The following SGCZ variants were observed in gnomAD, a reference collection of about 807,000 sequenced individuals.
SGCZ encodes zeta-sarcoglycan.
A neutral mutation model predicts 41.3 loss-of-function variants in SGCZ; 40 were observed. The ratio of observed to expected loss-of-function variants is 0.97; its 90% CI spans 0.75 to 1.26. The LOEUF is 1.26. Ranked by LOEUF, SGCZ falls within the 50% of genes most tolerant of loss-of-function variation. The pLI, the probability that SGCZ is intolerant of heterozygous loss-of-function variation, is 0.00. For missense variants in SGCZ, 552 were observed against 369.8 expected (o/e 1.49, Z -4.04); for synonymous variants, 206 against 137.5 (o/e 1.50, Z -3.49).
At chr8:15,098,977 G>C (rs1053913854) in intron 1 of SGCZ, among the ~76,000 whole-genome samples, 3 of 152,186 alleles carry the variant, frequency 2.0e-5, no homozygotes, top group East Asian at 3.9e-4. Flanking sequence ...AGAATCACTT[G>C]AACCTGGGAG....
At chr8:14,902,328 T>G (rs1384225790) in intron 1 of SGCZ, among the ~76,000 whole-genome samples, 1 of 152,114 alleles carries the variant, frequency 6.6e-6, no homozygotes, top group Non-Finnish European at 1.5e-5. Context: ...TCTCTGCTGA[T>G]CAGGCATTAC....
chr8:14,128,373 G>C (rs779493672), intron 5 of SGCZ, among the ~76,000 whole-genome samples: 13 of 152,120 alleles, frequency 8.5e-5, no homozygotes, highest in Non-Finnish European at 1.8e-4. Context: ...TACACCGTTC[G>C]GAACAGCTAC....
chr8:15,053,935 C>A (rs1255792985), intron 1 of SGCZ, among the ~76,000 whole-genome samples: 1 of 152,130 alleles, frequency 6.6e-6, no homozygotes, highest in Admixed American at 6.5e-5. Context: ...ATCATGACTG[C>A]CTTATCATCC....
rs1392750830 is a variant in SGCZ, at chr8:14,608,523, A to G, written c.40-53597T>C. ...GAGGAGATGCCAAGCTCCTTTAAAC[A>G]ACCAGCTGTCTTGTCAACTGAGGGA... On this transcript the variant is annotated intron_variant, in intron 1 of 7. Coordinates refer to ENST00000382080, the MANE Select transcript of SGCZ (RefSeq NM_139167.4). Among the ~76,000 whole-genome samples, 4 of 152,028 alleles carry G rather than the reference A, an allele frequency of 2.6e-5. No homozygotes were observed. The East Asian group carries it at 5.8e-4, about 22-fold the overall frequency.
intron 3 of SGCZ, chr8:14,309,599 A>G: frequency 6.2e-7 from 1 of 1,610,896 alleles, no homozygotes; most frequent in East Asian, 2.2e-5. Context: ...ATCCAAAGAT[A>G]GTGACTGGTT....
chr8:14,375,434 G>A (rs1041041426), intron 2 of SGCZ, among the ~76,000 whole-genome samples: 1 of 152,028 alleles, frequency 6.6e-6, no homozygotes, highest in Non-Finnish European at 1.5e-5. Flanking sequence ...TTATTAGGAA[G>A]GTTGACTAAC....
At chr8:14,282,895 G>T (rs1800496226) in intron 3 of SGCZ, among the ~76,000 whole-genome samples, 2 of 119,632 alleles carry the variant, frequency 1.7e-5, no homozygotes, top group African/African-American at 6.5e-5. Flanking sequence ...TGTCACCCAG[G>T]CTGGAGTGTA....
intron 1 of SGCZ, among the ~76,000 whole-genome samples, chr8:14,813,177 GT>G (rs1473111418): frequency 6.6e-6 from 1 of 152,154 alleles, no homozygotes; most frequent in Non-Finnish European, 1.5e-5. Flanking sequence ...ATGAAGATTT[GT>G]TTTAATGCAT....
intron 2 of SGCZ, among the ~76,000 whole-genome samples, chr8:14,503,929 T>G (rs1585604141): frequency 6.6e-6 from 1 of 152,164 alleles, no homozygotes; most frequent in Non-Finnish European, 1.5e-5. Flanking sequence ...ATTGTGCAGT[T>G]GAAAATGAAA....
At chr8:15,008,074 A>G (rs1480663161) in intron 1 of SGCZ, among the ~76,000 whole-genome samples, 6 of 152,216 alleles carry the variant, frequency 3.9e-5, no homozygotes, top group Non-Finnish European at 8.8e-5. Flanking sequence ...TATCAAAAAA[A>G]CTACTGTAAA....
At chr8:14,322,862 AAAGT>A (rs768061882) in intron 3 of SGCZ, among the ~76,000 whole-genome samples, 1 of 152,178 alleles carries the variant, frequency 6.6e-6, no homozygotes, top group Non-Finnish European at 1.5e-5. Context: ...ACTATCAATG[AAAGT>A]AAGACACTAA....
At chr8:14,909,580 G>A (rs1253472372) in intron 1 of SGCZ, among the ~76,000 whole-genome samples, 1 of 151,882 alleles carries the variant, frequency 6.6e-6, no homozygotes, top group African/African-American at 2.4e-5. Flanking sequence ...AAATCAATAT[G>A]ATTTGTTAGG....
chr8:14,442,783 C>A (rs1239917108), intron 2 of SGCZ, among the ~76,000 whole-genome samples: 2 of 152,168 alleles, frequency 1.3e-5, no homozygotes, highest in Non-Finnish European at 2.9e-5. Context: ...AAAGCCACTG[C>A]ACAAACTAAA....
chr8:14,123,693 A>C (rs116294482), intron 5 of SGCZ, among the ~76,000 whole-genome samples: 2,165 of 152,294 alleles, frequency 0.014, 44 homozygotes, highest in African/African-American at 0.049. Flanking sequence ...TTTTAAATGA[A>C]ACAGATCAAT....
At chr8:14,712,389 T>C (rs1809549511) in intron 1 of SGCZ, among the ~76,000 whole-genome samples, 1 of 152,208 alleles carries the variant, frequency 6.6e-6, no homozygotes. Context: ...AAACCATTTT[T>C]ACAGAGGCAT....
intron 1 of SGCZ, among the ~76,000 whole-genome samples, chr8:15,222,709 T>C (rs1178542204): frequency 2.6e-5 from 4 of 152,146 alleles, no homozygotes; most frequent in African/African-American, 9.7e-5. Context: ...GAAGTCATGA[T>C]GCTCTTTATG....
chr8:15,141,544 C>T (rs1311269917), intron 1 of SGCZ, among the ~76,000 whole-genome samples: 1 of 152,210 alleles, frequency 6.6e-6, no homozygotes, highest in African/African-American at 2.4e-5. Flanking sequence ...AAGTGTATGA[C>T]TTGGGTCCCT....
At chr8:15,129,031 T>C (rs571217626) in intron 1 of SGCZ, among the ~76,000 whole-genome samples, 2 of 152,332 alleles carry the variant, frequency 1.3e-5, no homozygotes, top group Admixed American at 6.5e-5. Context: ...CCAGATCTCA[T>C]AGTGGAAGCT....
intron 1 of SGCZ, among the ~76,000 whole-genome samples, chr8:15,091,791 C>A (rs1036431788): frequency 6.6e-6 from 1 of 152,092 alleles, no homozygotes; most frequent in Non-Finnish European, 1.5e-5. Flanking sequence ...CTCACTCTGT[C>A]AACCAGGCTG....
Sources: allele counts gnomAD v4.1 joint callset (sites outside exome capture counted in the v4.1 genomes callset), GRCh38; gene constraint gnomAD v4.1.1; transcripts MANE v1.5; gene names NCBI Gene and HGNC (gene_info 2026-07-23, HGNC 2026-07-21).